Variants in COL13A1 observed in about 807,000 individuals in gnomAD.
The protein encoded by COL13A1 is collagen alpha-1(XIII) chain.
A neutral mutation model predicts 130.9 loss-of-function variants in COL13A1; 89 were observed. The observed-to-expected ratio is 0.68, with a 90% confidence interval of 0.57 to 0.81. The LOEUF (loss-of-function observed/expected upper bound fraction) is 0.81, where lower values mean the gene tolerates loss of function less well. COL13A1 is among the 30% of genes least tolerant of loss of function. COL13A1 has a pLI of 0.00. For synonymous variants in COL13A1, 402 were observed against 341.6 expected, an observed-to-expected ratio of 1.18 and a Z score of -1.95; for missense variants, 879 against 934.6, an observed-to-expected ratio of 0.94 and a Z score of 0.78.
chr10:69,841,574 G>C (rs748377587), intron 2 of COL13A1, among the ~76,000 whole-genome samples: 8 of 152,194 alleles, frequency 5.3e-5, no homozygotes, highest in Non-Finnish European at 1.0e-4. Context: ...GCTAGGTGCT[G>C]GTAACCCGAG....
intron 5 of COL13A1, 94 bp from the exon 6 acceptor site, chr10:69,877,945 A>G: frequency 1.5e-6 from 1 of 684,312 alleles, no homozygotes. Context: ...TGCTATGAAC[A>G]TGGATTCTCG....
At chr10:69,945,282 C>T (rs2068324557) in intron 36 of COL13A1, among the ~76,000 whole-genome samples, 1 of 152,252 alleles carries the variant, frequency 6.6e-6, no homozygotes, top group Non-Finnish European at 1.5e-5. Flanking sequence ...CTTGGGGAAA[C>T]CAGGAGGCTG....
intron 2 of COL13A1, among the ~76,000 whole-genome samples, chr10:69,842,196 G>A (rs968621558): frequency 4.6e-5 from 7 of 152,096 alleles, no homozygotes; most frequent in Non-Finnish European, 7.4e-5. Flanking sequence ...AATAAGTCTC[G>A]TGAGATCTGA....
At chr10:69,872,662 T>G (rs1326749500) in intron 4 of COL13A1, among the ~76,000 whole-genome samples, 2 of 152,186 alleles carry the variant, frequency 1.3e-5, no homozygotes, top group African/African-American at 4.8e-5. Flanking sequence ...CACGTCCCAA[T>G]TCTAGAGAGG....
At chr10:69,873,751 G>A (rs2059318059) in intron 4 of COL13A1, among the ~76,000 whole-genome samples, 1 of 152,248 alleles carries the variant, frequency 6.6e-6, no homozygotes, top group South Asian at 2.1e-4. Context: ...CGGATCCACG[G>A]GTCATGGTCT....
At chr10:69,854,050 C>T (rs1855722542) in intron 2 of COL13A1, among the ~76,000 whole-genome samples, 1 of 152,220 alleles carries the variant, frequency 6.6e-6, no homozygotes, top group Non-Finnish European at 1.5e-5. Context: ...AGTGTTGCCA[C>T]TCTTCTCAGT....
Position 69,875,145 on chromosome 10 carries a change from T to C in COL13A1, c.417T>C (p.Ile139=), listed in dbSNP as rs1455202818. ...RPGLPGDKGA[I]GMPGRVGVKG... ...ATCATCAGGGGGACAAAGGTGCCAT[T>C]GGGATGCCTGGACGTGTGGTGAGTT... is the stretch of plus-strand genomic sequence containing the variant. Residue 139 remains isoleucine (I), a synonymous_variant, in exon 5 of 41, where the codon ATT becomes ATC. Coordinates refer to ENST00000645393, the MANE Select transcript of COL13A1 (RefSeq NM_001368882.1). 2 of 1,613,978 alleles carry C rather than the reference T, an allele frequency of 1.2e-6. No individual in the cohort carries two copies. Among genetic ancestry groups the C allele is most frequent in the South Asian group, 2.2e-5 (2 of 91,078 alleles).
intron 31 of COL13A1, among the ~76,000 whole-genome samples, chr10:69,933,667 T>C (rs1034044474): frequency 1.3e-5 from 2 of 152,282 alleles, no homozygotes; most frequent in African/African-American, 4.8e-5. Flanking sequence ...TGTTTCGAAA[T>C]GGATAGCCTC....
intron 26 of COL13A1, among the ~76,000 whole-genome samples, chr10:69,926,860 T>G (rs79321356): frequency 6.6e-6 from 1 of 152,090 alleles, no homozygotes; most frequent in Non-Finnish European, 1.5e-5. Flanking sequence ...AGTATAATCA[T>G]GCTTAGGAGA....
chr10:69,804,512 G>A (rs1253611868), intron 1 of COL13A1, among the ~76,000 whole-genome samples: 1 of 152,096 alleles, frequency 6.6e-6, no homozygotes, highest in African/African-American at 2.4e-5. Flanking sequence ...AGATATGAAA[G>A]TTATCCCAGA....
In COL13A1 at chr10:69,802,636, G is replaced by T. The variant is rs1402065984; in HGVS notation, c.213G>T (p.Arg71=). Residue 71 remains arginine, a synonymous_variant, in exon 1 of 41, where the codon CGG becomes CGT. Transcript: ENST00000645393. ...TTCGGACGGCCGAGCTGCAGGCCCGGGTGCTGCGCCTGGAAGCGGAGCGCG... is the reference window on the plus strand; with the variant it reads ...TTCGGACGGCCGAGCTGCAGGCCCGTGTGCTGCGCCTGGAAGCGGAGCGCG... ...AHFRTAELQA[R]VLRLEAERGE... is the part of the protein sequence containing the mutation. The T allele has an allele frequency of 6.2e-7, 1 of 1,613,428 alleles. No homozygotes were observed. The highest frequency in any genetic ancestry group is 2.2e-5 in the East Asian group (1 of 44,842).
At chr10:69,953,975 G>C (rs1410381356) in intron 39 of COL13A1, 1 of 153,046 alleles carries the variant, frequency 6.5e-6, no homozygotes, top group Non-Finnish European at 1.5e-5. Flanking sequence ...AGGAGAGAAA[G>C]GGGAGCCGGG....
At chr10:69,887,406 C>T in intron 7 of COL13A1, 50 bp from the exon 8 acceptor site, 2 of 1,594,776 alleles carry the variant, frequency 1.3e-6, no homozygotes, top group South Asian at 1.1e-5. Context: ...GGGATTGGCT[C>T]TGTCTCCTCC....
rs1394117885 is a variant in COL13A1 at position 69,802,330 on chromosome 10, C to T, written c.-94C>T. The T allele has an allele frequency of 7.6e-7, 1 of 1,313,418 alleles. No homozygotes were observed. Among genetic ancestry groups the T allele is most frequent in the Non-Finnish European group, 9.8e-7 (1 of 1,018,124 alleles). 81.4% of individuals were successfully genotyped at this position (1,313,418 alleles called of 1,614,324 possible). On this transcript the variant is annotated 5_prime_UTR_variant, in exon 1 of 41. Transcript: ENST00000645393. ...GTTTTCCAGCGATACAAGCCCTTTC[C>T]CCCTGCCCCGCAGTTTGGATAGAGC...
chr10:69,940,711 A>G lies in COL13A1; in HGVS notation c.1879-277A>G, dbSNP rs116199857. On this transcript the variant is annotated intron_variant, in intron 34 of 40. Coordinates refer to ENST00000645393, the MANE Select transcript of COL13A1 (RefSeq NM_001368882.1). ...AGAGGGAATAAAGGGAGAGAGGAGAAGGGGGGCGGGAGGAGCAGGTGGCCA... is the reference window on the plus strand; with the variant it reads ...AGAGGGAATAAAGGGAGAGAGGAGAGGGGGGGCGGGAGGAGCAGGTGGCCA... 5.2e-3 allele frequency among the ~76,000 whole-genome samples: 798 copies of G among 152,066 alleles called. 3 individuals are homozygous for G. Among genetic ancestry groups the G allele is most frequent in the African/African-American group, 0.019 (768 of 41,484 alleles).
chr10:69,808,698 A>C (rs1204521386), intron 1 of COL13A1, among the ~76,000 whole-genome samples: 1 of 152,228 alleles, frequency 6.6e-6, no homozygotes, highest in Non-Finnish European at 1.5e-5. Flanking sequence ...ACAGCGATAG[A>C]GGCATGCTGT....
At chr10:69,948,035 G>C (rs927187894) in intron 38 of COL13A1, among the ~76,000 whole-genome samples, 9 of 152,238 alleles carry the variant, frequency 5.9e-5, no homozygotes, top group Non-Finnish European at 1.3e-4. Flanking sequence ...TGGCCTTTGG[G>C]TTCCCCTCTG....
chr10:69,936,853 G>C (rs990403996), intron 33 of COL13A1, 71 bp downstream of exon 33: 85 of 1,591,456 alleles, frequency 5.3e-5, no homozygotes, highest in Non-Finnish European at 6.9e-5. Context: ...CCTGAGACCA[G>C]CTGACCCTTT....
At chr10:69,897,278 G>A (rs1021738039) in intron 13 of COL13A1, among the ~76,000 whole-genome samples, 6 of 152,152 alleles carry the variant, frequency 3.9e-5, no homozygotes, top group African/African-American at 1.4e-4. Flanking sequence ...GGCTTTCCAA[G>A]GGGTTGGGTT....
Sources: allele counts gnomAD v4.1 joint callset (sites outside exome capture counted in the v4.1 genomes callset), GRCh38; gene constraint gnomAD v4.1.1; transcripts MANE v1.5; gene names NCBI Gene and HGNC (gene_info 2026-07-23, HGNC 2026-07-21).